The following MIB1 variants were observed in gnomAD, a reference collection of about 807,000 sequenced individuals.
MIB1 encodes the protein E3 ubiquitin-protein ligase MIB1.
In MIB1, 278 loss-of-function variants were observed where a neutral mutation model predicts 124.5. The observed-to-expected ratio is 2.23, with a 90% CI of 2.02 to 2.47. MIB1 has a LOEUF of 2.47. MIB1 is among the 30% of genes most tolerant of loss of function. MIB1 has a pLI of 0.00. For synonymous variants in MIB1, 446 were observed against 429.4 expected (o/e 1.04, Z -0.48); for missense variants, 957 against 1,254.4 (o/e 0.76, Z 3.58).
At position 21,847,100 on chromosome 18, in the gene MIB1, G is replaced by A. The variant is rs868419264; in HGVS notation, c.2368G>A (p.Ala790Thr). The change falls in exon 16 of 21, where the codon GCA becomes ACA. Residue 790 changes from alanine to threonine, a missense_variant. Transcript: ENST00000261537. ...CPDPNLCKAL[A>T]KCHKEKVSGQ... ...TGATCCGAATCTCTGCAAAGCACTGGCAAAGTGTCATAAGGAAAAAGTCAG... is the reference window on the plus strand; with the variant it reads ...TGATCCGAATCTCTGCAAAGCACTGACAAAGTGTCATAAGGAAAAAGTCAG... 6.2e-7 allele frequency: 1 copy of A among 1,614,022 alleles called. No individual in the cohort carries two copies. The highest frequency in any genetic ancestry group is 8.5e-7 in the Non-Finnish European group (1 of 1,179,952).
chr18:21,741,465 G>A lies in MIB1; in HGVS notation c.-119G>A. 1.9e-6 allele frequency: 1 copy of A among 517,872 alleles called. No homozygotes were observed. Among genetic ancestry groups the A allele is most frequent in the Non-Finnish European group, 2.8e-6 (1 of 353,902 alleles). 32.1% of individuals were successfully genotyped at this position (517,872 alleles called of 1,614,324 possible). On this transcript the variant is annotated 5_prime_UTR_variant, in exon 1 of 21. Transcript: ENST00000261537. The surrounding 1 kb of genome is among the most constrained non-coding windows in gnomAD (Gnocchi z 5.4). ...GTGAGTTATTCTCACGTCCCCCGGG[G>A]CTCGCTGCCGCCCCCGCCGACGCCT...
intron 1 of MIB1, among the ~76,000 whole-genome samples, chr18:21,745,588 C>T (rs1295774036): frequency 1.3e-5 from 2 of 151,724 alleles, no homozygotes; most frequent in South Asian, 2.1e-4. Context: ...GTGGAGAGCA[C>T]GATTGGTGGA....
intron 12 of MIB1, among the ~76,000 whole-genome samples, chr18:21,822,678 T>C (rs2146482349): frequency 1.5e-5 from 2 of 132,452 alleles, no homozygotes; most frequent in South Asian, 5.5e-4. Flanking sequence ...CTTTTTTTCA[T>C]ATCAAATTTC....
intron 1 of MIB1, among the ~76,000 whole-genome samples, chr18:21,717,861 G>T (rs888195144): frequency 2.0e-5 from 3 of 152,164 alleles, no homozygotes; most frequent in Admixed American, 6.6e-5. Flanking sequence ...ACTAAAAGTA[G>T]ATCTACCATT....
At chr18:21,827,106 A>G (rs2041932104) in intron 12 of MIB1, 1 of 152,110 alleles carries the variant, frequency 6.6e-6, no homozygotes, top group Non-Finnish European at 1.5e-5. Flanking sequence ...TGGGAAAAAA[A>G]TAGTACAGCA....
At chr18:21,840,661 A>ATT (rs2042079368) in intron 13 of MIB1, among the ~76,000 whole-genome samples, 6 of 1,916 alleles carry the variant, frequency 3.1e-3, no homozygotes, top group Admixed American at 8.2e-3. Flanking sequence ...ATATATATAT[A>ATT]TATATTTTTT....
chr18:21,854,011 TTAAAA>T (rs2042204207), intron 18 of MIB1, among the ~76,000 whole-genome samples: 2 of 42,350 alleles, frequency 4.7e-5, no homozygotes, highest in African/African-American at 8.4e-5. Context: ...AGACTCAGTC[TTAAAA>T]AAAAAAAAAA....
At chr18:21,757,451 CAAAAA>C (rs1202189616) in intron 1 of MIB1, among the ~76,000 whole-genome samples, 20 of 13,278 alleles carry the variant, frequency 1.5e-3, no homozygotes, top group East Asian at 0.013. Context: ...GACTCTGTCT[CAAAAA>C]AAAAAAAAAA....
At chr18:21,860,944 C>A (rs2042271403) in intron 20 of MIB1, among the ~76,000 whole-genome samples, 1 of 152,096 alleles carries the variant, frequency 6.6e-6, no homozygotes, top group Admixed American at 6.6e-5. Flanking sequence ...GGAACTGAGG[C>A]AGGAGGATGA....
intron 17 of MIB1, among the ~76,000 whole-genome samples, chr18:21,849,648 A>T (rs2042165582): frequency 6.6e-6 from 1 of 152,046 alleles, no homozygotes; most frequent in South Asian, 2.1e-4. Context: ...TTACTGTCAA[A>T]TTTTTTTAGC....
intron 16 of MIB1, 117 bp from the exon 17 acceptor site, chr18:21,849,079 T>G (rs1427048360): frequency 1.7e-5 from 11 of 658,814 alleles, no homozygotes; most frequent in Non-Finnish European, 2.7e-5. Flanking sequence ...TAAAGCTTAA[T>G]TTTTTAATAT....
intron 1 of MIB1, among the ~76,000 whole-genome samples, chr18:21,711,052 C>T (rs1293045601): frequency 1.3e-5 from 2 of 152,006 alleles, no homozygotes; most frequent in Non-Finnish European, 2.9e-5. Flanking sequence ...GTCTTGAACT[C>T]CTGACCTCAG....
chr18:21,820,372 T>C (rs541713219), intron 12 of MIB1, among the ~76,000 whole-genome samples: 1 of 152,208 alleles, frequency 6.6e-6, no homozygotes, highest in Non-Finnish European at 1.5e-5. Context: ...ACTTTGATTT[T>C]TATTTTGATA....
chr18:21,713,917 A>G (rs1380419666), intron 1 of MIB1, among the ~76,000 whole-genome samples: 3 of 152,080 alleles, frequency 2.0e-5, no homozygotes, highest in Admixed American at 6.6e-5. Context: ...CATTTTTTAA[A>G]TTACACAGGA....
intron 17 of MIB1, among the ~76,000 whole-genome samples, chr18:21,849,647 A>G (rs189134323): frequency 2.6e-5 from 4 of 152,150 alleles, no homozygotes; most frequent in Non-Finnish European, 2.9e-5. Flanking sequence ...TTTACTGTCA[A>G]ATTTTTTTAG....
At chr18:21,828,598 C>T (rs1051005365) in intron 12 of MIB1, 7 of 152,652 alleles carry the variant, frequency 4.6e-5, no homozygotes, top group Admixed American at 3.9e-4. Context: ...AATCAGTGAG[C>T]CCTACTAATG....
intron 10 of MIB1, 53 bp downstream of exon 10, chr18:21,804,067 A>C: frequency 8.2e-7 from 1 of 1,221,938 alleles, no homozygotes; most frequent in Non-Finnish European, 1.2e-6. Context: ...TAGAAATAAT[A>C]CTTCTATATC....
At chr18:21,794,064 A>G (rs1211461552) in intron 7 of MIB1, 5 of 152,222 alleles carry the variant, frequency 3.3e-5, no homozygotes, top group African/African-American at 1.2e-4. Context: ...AATCAAAAAC[A>G]GAGCAGGTCA....
rs143788062 is a variant in MIB1, at chr18:21,824,398, G to T, written c.1829+4752G>T. Among the ~76,000 whole-genome samples, 615 of 152,132 alleles carry T rather than the reference G, an allele frequency of 4.0e-3. 1 individual carries two copies. Among genetic ancestry groups the T allele is most frequent in the Middle Eastern group, 0.01 (3 of 294 alleles). The stretch of plus-strand genomic sequence containing the variant: ...ATGGTCTGTAAACAAGACTATGTTG[G>T]CTATTTGAAGATTTGATAAGCTGTA... On this transcript the variant is annotated intron_variant, in intron 12 of 20. Transcript: ENST00000261537.
Sources: gnomAD v4.1 joint callset for allele counts (sites outside exome capture counted in the v4.1 genomes callset) on GRCh38, gnomAD v4.1.1 for gene constraint, Gnocchi (gnomAD v3.1) non-coding constraint, MANE v1.5 for transcripts, NCBI Gene and HGNC (gene_info 2026-07-23, HGNC 2026-07-21) for gene names.